The following C9orf43 variants were observed in gnomAD, a reference collection of about 807,000 sequenced individuals.
The protein encoded by C9orf43 is uncharacterized protein C9orf43.
In C9orf43, 45 loss-of-function variants were observed where a neutral mutation model predicts 59.1. That is an observed-to-expected ratio of 0.76 (90% CI 0.60 to 0.98). C9orf43 has a LOEUF of 0.98. C9orf43 is among the 50% of genes least tolerant of loss of function. The pLI, the probability that C9orf43 is intolerant of heterozygous loss-of-function variation, is 0.00. For missense variants in C9orf43, 533 were observed against 554.9 expected, an observed-to-expected ratio of 0.96 and a Z score of 0.40; for synonymous variants, 203 against 196.8, an observed-to-expected ratio of 1.03 and a Z score of -0.26.
chr9:113,415,383 G>T (rs1828320773), intron 3 of C9orf43, among the ~76,000 whole-genome samples: 1 of 152,164 alleles, frequency 6.6e-6, no homozygotes, highest in African/African-American at 2.4e-5. Flanking sequence ...GAGCTGAAAT[G>T]AATTGTGTGC....
rs200855551 is a variant in C9orf43, at chr9:113,421,141, C to T, written c.384C>T (p.Cys128=). The change falls in exon 5 of 14, where the codon TGC becomes TGT. Residue 128 remains cysteine, a synonymous_variant. Transcript: ENST00000374165. ...VLNLNETQLP[C]PEDVRNMVVL... ...ATTTGAATGAGACGCAACTTCCCTGCCCTGAAGATGTTAGAAATATGGTTG... is the reference window on the plus strand; with the variant it reads ...ATTTGAATGAGACGCAACTTCCCTGTCCTGAAGATGTTAGAAATATGGTTG... The T allele has an allele frequency of 2.4e-5, 39 of 1,613,678 alleles. 3 individuals are homozygous for T. The Admixed American group carries it at 3.3e-4, about 14-fold the overall frequency.
intron 3 of C9orf43, among the ~76,000 whole-genome samples, chr9:113,414,252 T>A (rs1157948250): frequency 6.6e-6 from 1 of 151,986 alleles, no homozygotes; most frequent in Non-Finnish European, 1.5e-5. Context: ...AGATGGTAAT[T>A]TTTTATACCC....
chr9:113,419,109 C>G lies in C9orf43; in HGVS notation c.289C>G (p.Pro97Ala). 1 of 1,608,434 alleles carries G rather than the reference C, an allele frequency of 6.2e-7. No individual in the cohort carries two copies. The highest frequency in any genetic ancestry group is 8.5e-7 in the Non-Finnish European group (1 of 1,177,178). ...SKFYSKFHGR[P>A]PKGLPDKSLI... The stretch of plus-strand genomic sequence containing the variant: ...TTATGTGTGGAACTCATTTTTTAGG[C>G]CTCCGAAGGGTTTACCTGACAAAAG... Residue 97 changes from proline to alanine, a missense_variant and splice_region_variant, in exon 4 of 14, where the codon CCT (proline) becomes GCT (alanine). Physicochemically the swap from Pro to Ala is conservative, Grantham distance 27 (BLOSUM62 -1). Transcript: ENST00000374165.
intron 5 of C9orf43, 89 bp downstream of exon 5, chr9:113,421,292 C>T (rs893789664): frequency 3.2e-6 from 3 of 929,986 alleles, no homozygotes; most frequent in Non-Finnish European, 3.5e-6. Context: ...TCCCATTTAG[C>T]CAGCTCATTG....
At chr9:113,415,319 T>A (rs1828317671) in intron 3 of C9orf43, among the ~76,000 whole-genome samples, 2 of 151,988 alleles carry the variant, frequency 1.3e-5, no homozygotes, top group Admixed American at 1.3e-4. Flanking sequence ...AATTTTTGGA[T>A]TTTTTGTATA....
intron 11 of C9orf43, among the ~76,000 whole-genome samples, 190 bp from the exon 12 acceptor site, chr9:113,427,957 T>C (rs1364893735): frequency 1.3e-5 from 2 of 152,206 alleles, no homozygotes; most frequent in African/African-American, 4.8e-5. Context: ...CTGTAATAGA[T>C]GAAGTTACAG....
In C9orf43 at chr9:113,410,988, C is replaced by T. The variant is rs1189629695; in HGVS notation, c.-63C>T. 1 of 986,092 alleles carries T rather than the reference C, an allele frequency of 1.0e-6. No individual in the cohort carries two copies. The highest frequency in any genetic ancestry group is 1.2e-6 in the Non-Finnish European group (1 of 830,464). The allele number at this position is 986,092 out of a possible 1,614,324, so 61.1% of individuals were successfully genotyped here. Reference sequence around the variant, plus strand: ...ATTTTTAATCTTTTCGCCCCTCACGCTTTTGTAATAATGGTACTAAGACTG... The same window carrying T: ...ATTTTTAATCTTTTCGCCCCTCACGTTTTTGTAATAATGGTACTAAGACTG... On this transcript the variant is annotated 5_prime_UTR_variant, in exon 1 of 14. Coordinates refer to ENST00000374165, the MANE Select transcript of C9orf43 (RefSeq NM_001278629.2).
At chr9:113,411,028 T>C in intron 1 of C9orf43, 27 bp downstream of exon 1, 1 of 985,412 alleles carries the variant, frequency 1.0e-6, no homozygotes, top group Non-Finnish European at 1.2e-6. Context: ...TTATTTAGAT[T>C]TTATTGTTGT....
rs984572723 is a variant in C9orf43, at chr9:113,428,541, A to T, written c.1107+318A>T. On this transcript the variant is annotated intron_variant, in intron 12 of 13. Transcript: ENST00000374165. ...ACTAAAACAGTGTTACTTGTGCCAC[A>T]TTTTCTTGGCCAAAGAAGCCACAAG... is the stretch of plus-strand genomic sequence containing the variant. Among the ~76,000 whole-genome samples the T allele has an allele frequency of 4.6e-5, 7 of 152,260 alleles. No individual in the cohort carries two copies. In the East Asian group the frequency reaches 1.2e-3, roughly 25 times the overall value.
Position 113,423,354 on chromosome 9 carries a change from GA to G in C9orf43, c.515del (p.Asn172IlefsTer8). 6.2e-7 allele frequency: 1 copy of G among 1,613,960 alleles called. No individual in the cohort carries two copies. Among genetic ancestry groups the G allele is most frequent in the Non-Finnish European group, 8.5e-7 (1 of 1,179,914 alleles). ...AGCAAGTCATTTCTGGGTCTCTCTG[GA>G]AATCAGTCCGCAGGAACACGAGTAG... is the stretch of plus-strand genomic sequence containing the variant. Reference protein sequence around the residue: ...VKSKSFLGLSGNQSAGTRVGT... With the variant: ...VKSKSFLGLSXNQSAGTRVGT... On this transcript the variant is annotated frameshift_variant, in exon 7 of 14. Coordinates refer to ENST00000374165, the MANE Select transcript of C9orf43 (RefSeq NM_001278629.2). LOFTEE classifies it high-confidence loss of function.
intron 4 of C9orf43, among the ~76,000 whole-genome samples, chr9:113,420,119 G>A (rs1283145246): frequency 6.6e-6 from 1 of 151,874 alleles, no homozygotes; most frequent in Non-Finnish European, 1.5e-5. Context: ...TAAGAGACAG[G>A]GTCTTTCTCT....
Position 113,429,269 on chromosome 9 carries a change from C to A in C9orf43, c.1269C>A (p.Ser423=). 6.2e-7 allele frequency: 1 copy of A among 1,614,254 alleles called. No individual in the cohort carries two copies. ...EAQAARQKKI[S]FNFSEIMAST... is the part of the protein sequence containing the mutation. ...AGGCTGCCAGGCAAAAGAAGATCTCCTTTAACTTTTCAGAAATTATGGCTA... is the reference window on the plus strand; with the variant it reads ...AGGCTGCCAGGCAAAAGAAGATCTCATTTAACTTTTCAGAAATTATGGCTA... The change falls in exon 14 of 14, where the codon TCC becomes TCA. Residue 423 remains serine (S), a synonymous_variant. Transcript: ENST00000374165.
rs1027420488 is a variant in C9orf43, at chr9:113,420,830, T to A, written c.346-273T>A. 9.2e-6 allele frequency: 9 copies of A among 978,002 alleles called. No individual in the cohort carries two copies. The Admixed American group carries it at 3.1e-4, about 33-fold the overall frequency. 60.6% of individuals were successfully genotyped at this position (978,002 alleles called of 1,614,324 possible). A position where few individuals can be genotyped will look rare whatever the true frequency, so the allele number is the denominator to read the frequency against. On this transcript the variant is annotated intron_variant, in intron 4 of 13. Coordinates refer to ENST00000374165, the MANE Select transcript of C9orf43 (RefSeq NM_001278629.2). ...GTAGGTAAGCCCCAGGGCACCCTCA[T>A]ATGGGATTGGATTGGGAGTTGCTAA...
rs1308537004 is a variant in C9orf43 at position 113,425,690 on chromosome 9, A to G, written c.990A>G (p.Ser330=). 2 of 1,614,148 alleles carry G rather than the reference A, an allele frequency of 1.2e-6. No individual in the cohort carries two copies. Among genetic ancestry groups the G allele is most frequent in the Admixed American group, 1.7e-5 (1 of 60,012 alleles). The part of the protein sequence containing the change: ...AKSDPGIQST[S]HKHPVTTVHD... ...GTGATCCAGGGATCCAGAGCACTTC[A>G]CATAAACATCCAGTTACCACCGTTC... is the stretch of plus-strand genomic sequence containing the variant. Residue 330 remains serine, a synonymous_variant, in exon 11 of 14, where the codon TCA becomes TCG. Transcript: ENST00000374165.
chr9:113,425,816 T>G (rs930389042), intron 11 of C9orf43, 86 bp downstream of exon 11: 3 of 1,072,880 alleles, frequency 2.8e-6, no homozygotes, highest in Non-Finnish European at 4.3e-6. Context: ...CATGCTCTTG[T>G]CATTTTGAGA....
At chr9:113,417,002 C>T (rs1828384160) in intron 3 of C9orf43, among the ~76,000 whole-genome samples, 1 of 152,182 alleles carries the variant, frequency 6.6e-6, no homozygotes, top group Admixed American at 6.5e-5. Flanking sequence ...TTTAAAATTT[C>T]CTTACACCCT....
At chr9:113,415,866 A>T (rs527296642) in intron 3 of C9orf43, among the ~76,000 whole-genome samples, 1 of 152,270 alleles carries the variant, frequency 6.6e-6, no homozygotes, top group African/African-American at 2.4e-5. Flanking sequence ...GTAGCCCTTA[A>T]TGATTTCTCT....
Position 113,429,425 on chromosome 9 carries a change from G to T in C9orf43, c.*39G>T. The T allele has an allele frequency of 6.3e-7, 1 of 1,585,524 alleles. No homozygotes were observed. The highest frequency in any genetic ancestry group is 8.6e-7 in the Non-Finnish European group (1 of 1,157,460). On this transcript the variant is annotated 3_prime_UTR_variant, in exon 14 of 14. Transcript: ENST00000374165. The stretch of plus-strand genomic sequence containing the variant: ...GAATAGACTGAAGGCATCCCCTGGG[G>T]CAGCCGTGTTCCAAAGCGGGATGGC...
Position 113,429,350 on chromosome 9 carries a change from T to C in C9orf43, c.1350T>C (p.Asp450=). The change falls in exon 14 of 14, where the codon GAT becomes GAC. Residue 450 remains aspartate, a synonymous_variant. Coordinates refer to ENST00000374165, the MANE Select transcript of C9orf43 (RefSeq NM_001278629.2). ...TTAGGATTCTTCAGGACACTGATGATGAGGATGAGGAGGACCAGTCCTCTG... is the reference window on the plus strand; with the variant it reads ...TTAGGATTCTTCAGGACACTGATGACGAGGATGAGGAGGACCAGTCCTCTG... ...KLLRILQDTD[D]EDEEDQSSGA... 6.2e-7 allele frequency: 1 copy of C among 1,614,156 alleles called. No homozygotes were observed. The highest frequency in any genetic ancestry group is 8.5e-7 in the Non-Finnish European group (1 of 1,180,020).
Sources: gnomAD v4.1 joint callset for allele counts (sites outside exome capture counted in the v4.1 genomes callset) on GRCh38, gnomAD v4.1.1 for gene constraint, MANE v1.5 for transcripts, NCBI Gene and HGNC (gene_info 2026-07-23, HGNC 2026-07-21) for gene names.